TMPRSS6: variants seen among roughly 807,000 people sequenced by gnomAD.
TMPRSS6 encodes the protein transmembrane protease serine 6.
Under a neutral mutation model 101.5 loss-of-function variants are expected in TMPRSS6, and 67 were observed. The ratio of observed to expected loss-of-function variants is 0.66; its 90% CI spans 0.54 to 0.81. TMPRSS6 has a LOEUF of 0.81. Among genes scored for constraint, TMPRSS6 ranks in the 30% least tolerant of loss-of-function variants. The pLI is 0.00. For synonymous variants in TMPRSS6, 453 were observed against 464.9 expected, an observed-to-expected ratio of 0.97 and a Z score of 0.33; for missense variants, 1,034 against 1,088.7, an observed-to-expected ratio of 0.95 and a Z score of 0.71.
At chr22:37,072,584 AT>A (rs1568999517) in intron 13 of TMPRSS6, among the ~76,000 whole-genome samples, 17 of 114,894 alleles carry the variant, frequency 1.5e-4, no homozygotes, top group African/African-American at 4.0e-4. Context: ...TGGATGATGG[AT>A]GGATGGATGA....
In TMPRSS6 at chr22:37,103,760, A is replaced by G. The variant is rs541794943; in HGVS notation, c.-1-342T>C. The G allele has an allele frequency of 7.3e-5, 48 of 654,624 alleles. No individual in the cohort carries two copies. The highest frequency in any genetic ancestry group is 8.0e-4 in the Middle Eastern group (2 of 2,490). The allele number at this position is 654,624 out of a possible 1,614,324, so 40.6% of individuals were successfully genotyped here. A position where few individuals can be genotyped will look rare whatever the true frequency, so the allele number is the denominator to read the frequency against. ...GAGGCTGCACCCACAGACAGAACTG[A>G]AGTACATGGGGTGCAGACTTCTGTA... is the stretch of plus-strand genomic sequence containing the variant. On this transcript the variant is annotated intron_variant, in intron 1 of 17. Transcript: ENST00000676104. The surrounding 1 kb of genome is among the most constrained non-coding windows in gnomAD (Gnocchi z 4.4).
intron 10 of TMPRSS6, among the ~76,000 whole-genome samples, chr22:37,078,057 A>C: frequency 6.6e-6 from 1 of 152,210 alleles, no homozygotes; most frequent in East Asian, 1.9e-4. Flanking sequence ...TTGTCTATAA[A>C]GTTATCATGG....
Position 37,103,612 on chromosome 22 carries a change from A to G in TMPRSS6, c.-1-194T>C. On this transcript the variant is annotated intron_variant, in intron 1 of 17. Transcript: ENST00000676104. The surrounding 1 kb of genome is among the most constrained non-coding windows in gnomAD (Gnocchi z 4.4). Reference sequence around the variant, plus strand: ...GGAAGTGCATCTCAGGTCAGCTCGCACCAGAGGGCAGGCACCAGAGCTGGA... The same window carrying G: ...GGAAGTGCATCTCAGGTCAGCTCGCGCCAGAGGGCAGGCACCAGAGCTGGA... 1.2e-6 allele frequency: 2 copies of G among 1,606,050 alleles called. No individual in the cohort carries two copies. Among genetic ancestry groups the G allele is most frequent in the Admixed American group, 3.3e-5 (2 of 60,018 alleles).
chr22:37,091,826 T>C (rs1443564282), intron 6 of TMPRSS6, among the ~76,000 whole-genome samples: 3 of 152,188 alleles, frequency 2.0e-5, no homozygotes, highest in Non-Finnish European at 4.4e-5. Flanking sequence ...CTCTGGGCAG[T>C]GCTGAGGACC....
In TMPRSS6 at chr22:37,103,232, T is replaced by C; in HGVS notation, c.186A>G (p.Leu62=). Residue 62 remains leucine, a synonymous_variant, in exon 2 of 18, where the codon CTA becomes CTG. Transcript: ENST00000676104. The surrounding 1 kb of genome is among the most constrained non-coding windows in gnomAD (Gnocchi z 4.4). ...CAACGTTACCTAGGAAATACCAGAG[T>C]AGCACCCCCGCCGAAGCCAGCACGA... is the stretch of plus-strand genomic sequence containing the variant. ...ALLVLASAGV[L]LWYFLGYKAE... is the part of the protein sequence containing the mutation. 6.2e-7 allele frequency: 1 copy of C among 1,613,538 alleles called. No individual in the cohort carries two copies. The highest frequency in any genetic ancestry group is 1.1e-5 in the South Asian group (1 of 91,056).
At chr22:37,109,761 G>A (rs1930955488), upstream of TMPRSS6, among the ~76,000 whole-genome samples, 1 of 149,480 alleles carries the variant, frequency 6.7e-6, no homozygotes, top group Non-Finnish European at 1.5e-5. Context: ...TGCCTGCCCC[G>A]CCCCATCTTC....
chr22:37,088,149 G>C (rs1928932519), intron 7 of TMPRSS6, among the ~76,000 whole-genome samples: 1 of 152,090 alleles, frequency 6.6e-6, no homozygotes, highest in African/African-American at 2.4e-5. Flanking sequence ...ACCCCTAAGT[G>C]TCCCCACCCT....
intron 6 of TMPRSS6, among the ~76,000 whole-genome samples, chr22:37,092,955 C>T (rs1415559115): frequency 6.6e-6 from 1 of 152,212 alleles, no homozygotes; most frequent in Non-Finnish European, 1.5e-5. Context: ...CCTCTGGGGC[C>T]TCTATTCTCA....
At chr22:37,107,915 T>C (rs181338588) in intron 1 of TMPRSS6, among the ~76,000 whole-genome samples, 2 of 152,336 alleles carry the variant, frequency 1.3e-5, no homozygotes, top group Admixed American at 1.3e-4. Flanking sequence ...GCCTCCTCCC[T>C]GTCTGTAAGC....
chr22:37,073,763 C>T, intron 12 of TMPRSS6, 118 bp from the exon 13 acceptor site: 1 of 757,874 alleles, frequency 1.3e-6, no homozygotes, highest in South Asian at 1.4e-5. Flanking sequence ...ATCTCTTTCT[C>T]TGCTACTTTA....
chr22:37,103,673 A>G lies in TMPRSS6; in HGVS notation c.-1-255T>C, dbSNP rs1009013597. On this transcript the variant is annotated intron_variant, in intron 1 of 17. Coordinates refer to ENST00000676104, the MANE Select transcript of TMPRSS6 (RefSeq NM_001374504.1). This position sits in a 1 kb window ranked among gnomAD's most constrained non-coding sequence, Gnocchi z 4.4. The stretch of plus-strand genomic sequence containing the variant: ...CTCAAGAACCCCACCTTTGCTTCCC[A>G]CTGGCTTCCCTATGGTCAGAGGACA... The G allele has an allele frequency of 7.6e-7, 1 of 1,321,830 alleles. No individual in the cohort carries two copies. Among genetic ancestry groups the G allele is most frequent in the Admixed American group, 1.7e-5 (1 of 57,420 alleles). The allele number at this position is 1,321,830 out of a possible 1,614,324, so 81.9% of individuals were successfully genotyped here. A position where few individuals can be genotyped will look rare whatever the true frequency, so the allele number is the denominator to read the frequency against.
intron 3 of TMPRSS6, among the ~76,000 whole-genome samples, chr22:37,097,975 CG>C (rs1929959061): frequency 2.4e-5 from 1 of 40,848 alleles, no homozygotes; most frequent in Non-Finnish European, 4.8e-5. Flanking sequence ...GGGGGAGGAG[CG>C]GGCCACCGTC....
chr22:37,089,494 A>G, intron 7 of TMPRSS6, 84 bp downstream of exon 7: 1 of 1,357,152 alleles, frequency 7.4e-7, no homozygotes, highest in African/African-American at 1.4e-5. Context: ...CCCTTGTCTA[A>G]GAATGCTGTG....
Position 37,069,025 on chromosome 22 carries a change from A to ATCCGCACGGTCTCCCTCCGCC in TMPRSS6, c.2113+27_2113+47dup. 1 of 1,532,614 alleles carries ATCCGCACGGTCTCCCTCCGCC rather than the reference A, an allele frequency of 6.5e-7. No homozygotes were observed. The highest frequency in any genetic ancestry group is 8.7e-7 in the Non-Finnish European group (1 of 1,145,976). 94.9% of individuals were successfully genotyped at this position (1,532,614 alleles called of 1,614,324 possible). Reference sequence around the variant, plus strand: ...CTCCAGGCCAGGTGTTACGGCGCAGATCCGCACGGTCTCCCTCCGCCTCCC... The same window carrying ATCCGCACGGTCTCCCTCCGCC: ...CTCCAGGCCAGGTGTTACGGCGCAGATCCGCACGGTCTCCCTCCGCCTCCGCACGGTCTCCCTCCGCCTCCC... On this transcript the variant is annotated intron_variant, in intron 16 of 17. Transcript: ENST00000676104. This position sits in a 1 kb window ranked among gnomAD's most constrained non-coding sequence, Gnocchi z 4.8.
At chr22:37,083,186 G>C (rs1002594241) in intron 10 of TMPRSS6, 1 of 421,514 alleles carries the variant, frequency 2.4e-6, no homozygotes, top group African/African-American at 2.1e-5. Flanking sequence ...CCCAACCTGC[G>C]ATGAAGGATA....
intron 10 of TMPRSS6, among the ~76,000 whole-genome samples, chr22:37,079,001 G>GAAAGAAAGAAAGAAAGAAAGAA (rs1429080927): frequency 1.3e-5 from 2 of 150,950 alleles, no homozygotes; most frequent in Non-Finnish European, 3.0e-5. Context: ...AAGAAAGAAA[G>GAAAGAAAGAAAGAAAGAAAGAA]AAAGAAAGAA....
At position 37,098,308 on chromosome 22, in the gene TMPRSS6, C is replaced by T. The variant is rs183860165; in HGVS notation, c.336+108G>A. Reference sequence around the variant, plus strand: ...GGTGCCTGGAGCAGGGCTGTGGTCCCTGTGAATGCTCCAGATGGGTTGACC... The same window carrying T: ...GGTGCCTGGAGCAGGGCTGTGGTCCTTGTGAATGCTCCAGATGGGTTGACC... On this transcript the variant is annotated intron_variant, in intron 3 of 17. Transcript: ENST00000676104. 4.5e-6 allele frequency: 7 copies of T among 1,539,442 alleles called. No homozygotes were observed. The African/African-American group carries it at 9.5e-5, about 21-fold the overall frequency.
Position 37,066,851 on chromosome 22 carries a change from C to A in TMPRSS6, c.2225G>T (p.Arg742Leu). The change falls in exon 17 of 18, where the codon CGC becomes CTC. Residue 742 changes from arginine (R) to leucine (L), a missense_variant. Transcript: ENST00000676104. ...VTPRMLCAGYRKGKKDACQGD... is the reference protein window; with the variant it reads ...VTPRMLCAGYLKGKKDACQGD... ...CTGACAGGCATCCTTCTTGCCCTTG[C>A]GGTAGCCGGCACACAGCATGCGTGG... 1 of 1,614,144 alleles carries A rather than the reference C, an allele frequency of 6.2e-7. No individual in the cohort carries two copies. Among genetic ancestry groups the A allele is most frequent in the Middle Eastern group, 1.6e-4 (1 of 6,062 alleles).
chr22:37,066,849 T>C lies in TMPRSS6; in HGVS notation c.2227A>G (p.Lys743Glu), dbSNP rs757080113. The change falls in exon 17 of 18, where the codon AAG becomes GAG. Residue 743 changes from lysine to glutamate, a missense_variant. Transcript: ENST00000676104. ...ACCTGACAGGCATCCTTCTTGCCCT[T>C]GCGGTAGCCGGCACACAGCATGCGT... ...TPRMLCAGYR[K>E]GKKDACQGDS... The C allele has an allele frequency of 3.5e-5, 57 of 1,614,058 alleles. No individual in the cohort carries two copies. The highest frequency in any genetic ancestry group is 4.7e-5 in the Non-Finnish European group (56 of 1,180,030).
Sources: gnomAD v4.1 joint callset for allele counts (sites outside exome capture counted in the v4.1 genomes callset) on GRCh38, gnomAD v4.1.1 for gene constraint, Gnocchi (gnomAD v3.1) non-coding constraint, MANE v1.5 for transcripts, NCBI Gene and HGNC (gene_info 2026-07-23, HGNC 2026-07-21) for gene names.